SFMBT1: variants seen among roughly 807,000 people sequenced by gnomAD.
SFMBT1 encodes the protein scm-like with four MBT domains protein 1.
Under a neutral mutation model 108.7 loss-of-function variants are expected in SFMBT1, and 32 were observed. The ratio of observed to expected loss-of-function variants is 0.29; its 90% CI spans 0.22 to 0.40. The LOEUF is 0.40. SFMBT1 is among the 10% of genes least tolerant of loss of function. SFMBT1 has a pLI of 1.00. For synonymous variants in SFMBT1, 348 were observed against 369.5 expected, an observed-to-expected ratio of 0.94 and a Z score of 0.67; for missense variants, 816 against 1,059.6, an observed-to-expected ratio of 0.77 and a Z score of 3.19.
chr3:53,043,572 T>C (rs1700121598), intron 1 of SFMBT1, among the ~76,000 whole-genome samples: 1 of 152,218 alleles, frequency 6.6e-6, no homozygotes, highest in African/African-American at 2.4e-5. Context: ...GGAAAATTCA[T>C]GATTCATTCT....
chr3:52,955,248 A>T (rs1223400925), intron 2 of SFMBT1, among the ~76,000 whole-genome samples: 1 of 152,066 alleles, frequency 6.6e-6, no homozygotes, highest in Non-Finnish European at 1.5e-5. Context: ...CCCCGTCTCT[A>T]CTAAAAATAA....
intron 12 of SFMBT1, 41 bp from the exon 13 acceptor site, chr3:52,918,567 A>G (rs1702426130): frequency 7.4e-7 from 1 of 1,360,530 alleles, no homozygotes; most frequent in African/African-American, 1.5e-5. Context: ...AGAAAAATAA[A>G]AAGACAAAGG....
chr3:52,912,910 C>T (rs1202116940), intron 15 of SFMBT1, among the ~76,000 whole-genome samples: 1 of 152,116 alleles, frequency 6.6e-6, no homozygotes, highest in East Asian at 1.9e-4. Context: ...TCAAATTGCT[C>T]CAGAACATGC....
chr3:52,933,084 C>T (rs1040834820), intron 5 of SFMBT1, among the ~76,000 whole-genome samples: 1 of 152,180 alleles, frequency 6.6e-6, no homozygotes, highest in Admixed American at 6.5e-5. Context: ...TCAATATCCA[C>T]CTCTGCCAGT....
chr3:52,906,249 C>A lies in SFMBT1; in HGVS notation c.2332-8G>T, dbSNP rs1406632241. ...AACTTCGATCCTTATTTCCTTCATT[C>A]CCCACAACACAATCAAACCAAATGG... On this transcript the variant is annotated splice_polypyrimidine_tract_variant and splice_region_variant and intron_variant, in intron 19 of 20. Coordinates refer to ENST00000394752, the MANE Select transcript of SFMBT1 (RefSeq NM_016329.4). 3 of 1,613,858 alleles carry A rather than the reference C, an allele frequency of 1.9e-6. No individual in the cohort carries two copies. Among genetic ancestry groups the A allele is most frequent in the Non-Finnish European group, 2.5e-6 (3 of 1,179,894 alleles).
chr3:52,928,671 T>TAC (rs1301624750), intron 8 of SFMBT1, among the ~76,000 whole-genome samples: 32 of 138,382 alleles, frequency 2.3e-4, no homozygotes, highest in African/African-American at 5.2e-4. Flanking sequence ...TATACATATA[T>TAC]ACACACACAC....
chr3:53,028,901 G>C (rs549810078), intron 1 of SFMBT1, among the ~76,000 whole-genome samples: 1 of 152,076 alleles, frequency 6.6e-6, no homozygotes, highest in South Asian at 2.1e-4. Flanking sequence ...GGCCGGGCGC[G>C]GTAGCTCATG....
chr3:52,905,499 T>C (rs1479102559), intron 20 of SFMBT1, among the ~76,000 whole-genome samples: 1 of 152,190 alleles, frequency 6.6e-6, no homozygotes, highest in African/African-American at 2.4e-5. Context: ...ACAATAAAGT[T>C]TTACCAAGGA....
Position 52,993,857 on chromosome 3 carries a change from G to A in SFMBT1, c.-130-24599C>T, listed in dbSNP as rs147644536. 1.3e-3 allele frequency among the ~76,000 whole-genome samples: 188 copies of A among 150,390 alleles called. 11 individuals are homozygous for A. The highest frequency in any genetic ancestry group is 1.8e-3 in the Non-Finnish European group (122 of 67,092). ...CTTTTATAACAATAAAACAGTGTAAGAGACAGAAGCATCGTAAGTCAAAGC... is the reference window on the plus strand; with the variant it reads ...CTTTTATAACAATAAAACAGTGTAAAAGACAGAAGCATCGTAAGTCAAAGC... On this transcript the variant is annotated intron_variant, in intron 1 of 20. Transcript: ENST00000394752.
chr3:52,985,393 T>C (rs1704869238), intron 1 of SFMBT1, among the ~76,000 whole-genome samples: 1 of 152,216 alleles, frequency 6.6e-6, no homozygotes, highest in African/African-American at 2.4e-5. Flanking sequence ...ATTATTTGAG[T>C]ACCTACTATG....
At chr3:52,965,479 C>T (rs550196494) in intron 2 of SFMBT1, among the ~76,000 whole-genome samples, 1 of 151,164 alleles carries the variant, frequency 6.6e-6, no homozygotes, top group Admixed American at 6.6e-5. Flanking sequence ...TCTTTTAAAG[C>T]AAAGCGTTGC....
intron 1 of SFMBT1, among the ~76,000 whole-genome samples, chr3:52,974,834 A>T (rs988812195): frequency 5.9e-5 from 3 of 51,262 alleles, no homozygotes; most frequent in African/African-American, 1.9e-4. Flanking sequence ...TATAAAAAGT[A>T]AAAAAAAAAA....
At chr3:53,045,430 G>T (rs1392474499) in intron 1 of SFMBT1, among the ~76,000 whole-genome samples, 23 of 143,438 alleles carry the variant, frequency 1.6e-4, no homozygotes, top group African/African-American at 5.5e-4. Flanking sequence ...TTGGGCGCCC[G>T]CCACTGCCGC....
chr3:52,951,852 A>T (rs1703605718), intron 3 of SFMBT1, among the ~76,000 whole-genome samples: 1 of 152,172 alleles, frequency 6.6e-6, no homozygotes, highest in South Asian at 2.1e-4. Context: ...GCCATTATAG[A>T]CATGTTACAG....
chr3:53,032,423 T>TA (rs1699718350), intron 1 of SFMBT1, among the ~76,000 whole-genome samples: 1 of 151,946 alleles, frequency 6.6e-6, no homozygotes, highest in South Asian at 2.1e-4. Flanking sequence ...AGAAGACCCA[T>TA]ATGGGAAAGC....
At chr3:52,968,747 C>T (rs1704238136) in intron 2 of SFMBT1, among the ~76,000 whole-genome samples, 1 of 152,042 alleles carries the variant, frequency 6.6e-6, no homozygotes, top group Non-Finnish European at 1.5e-5. Flanking sequence ...CCCGTCACCA[C>T]ACCCAGCTAA....
At chr3:53,009,883 A>T (rs1334940177) in intron 1 of SFMBT1, among the ~76,000 whole-genome samples, 1 of 152,254 alleles carries the variant, frequency 6.6e-6, no homozygotes, top group Non-Finnish European at 1.5e-5. Context: ...ATGGATTATC[A>T]TAAAGGTTTT....
intron 1 of SFMBT1, among the ~76,000 whole-genome samples, chr3:53,014,549 C>G (rs1168027809): frequency 6.6e-6 from 1 of 152,096 alleles, no homozygotes; most frequent in Non-Finnish European, 1.5e-5. Context: ...CCCAATGAAT[C>G]AACTAACAAG....
rs1698409807 is a variant in SFMBT1, at chr3:52,998,236, C to G, written c.-130-28978G>C. 1.3e-5 allele frequency among the ~76,000 whole-genome samples: 2 copies of G among 149,620 alleles called. 1 individual carries two copies. Among genetic ancestry groups the G allele is most frequent in the African/African-American group, 4.9e-5 (2 of 41,170 alleles). ...AGAAACCCCGTCTCTACTAAAAATA[C>G]AAAAAATTTGCCGGGCGTGGTGGCG... On this transcript the variant is annotated intron_variant, in intron 1 of 20. Coordinates refer to ENST00000394752, the MANE Select transcript of SFMBT1 (RefSeq NM_016329.4).
Sources: gnomAD v4.1 joint callset for allele counts (sites outside exome capture counted in the v4.1 genomes callset) on GRCh38, gnomAD v4.1.1 for gene constraint, MANE v1.5 for transcripts, NCBI Gene and HGNC (gene_info 2026-07-23, HGNC 2026-07-21) for gene names.